CLHC1: variants seen among roughly 807,000 people sequenced by gnomAD.
CLHC1 encodes the protein clathrin heavy chain linker domain containing 1.
CLHC1 carries 72 observed loss-of-function variants against 69.5 expected under a neutral mutation model. The ratio of observed to expected loss-of-function variants is 1.04; its 90% CI spans 0.86 to 1.26. The LOEUF is 1.26. Among genes scored for constraint, CLHC1 ranks in the 50% most tolerant of loss-of-function variants. The pLI, the probability that CLHC1 is intolerant of heterozygous loss-of-function variation, is 0.00. For missense variants in CLHC1, 790 were observed against 679.3 expected (o/e 1.16, Z -1.81); for synonymous variants, 223 against 224.3 (o/e 0.99, Z 0.05).
At chr2:55,193,124 C>T (rs972271193) in intron 9 of CLHC1, among the ~76,000 whole-genome samples, 9 of 151,986 alleles carry the variant, frequency 5.9e-5, no homozygotes, top group Non-Finnish European at 7.4e-5. Context: ...GAACTCCTGA[C>T]CTTGTGATCC....
chr2:55,215,110 G>A (rs1370659647), intron 4 of CLHC1: 1 of 152,122 alleles, frequency 6.6e-6, no homozygotes, highest in Non-Finnish European at 1.5e-5. Context: ...TATTTTCATA[G>A]AGAATTTTAA....
chr2:55,202,272 C>T (rs530748711), intron 9 of CLHC1, among the ~76,000 whole-genome samples: 12 of 149,464 alleles, frequency 8.0e-5, no homozygotes, highest in African/African-American at 2.9e-4. Context: ...AAAAAAAAAC[C>T]TAGCTGGGTG....
intron 9 of CLHC1, among the ~76,000 whole-genome samples, chr2:55,190,428 T>A (rs1415748209): frequency 1.3e-5 from 2 of 151,986 alleles, no homozygotes; most frequent in African/African-American, 4.8e-5. Context: ...GAGAAAAAAA[T>A]GTAATAAATC....
At chr2:55,208,529 T>G in intron 8 of CLHC1, 97 bp downstream of exon 8, 1 of 742,782 alleles carries the variant, frequency 1.3e-6, no homozygotes, top group East Asian at 2.7e-5. Context: ...TCTTATCTCC[T>G]CTGAAAAATC....
At chr2:55,208,491 T>G in intron 8 of CLHC1, 135 bp downstream of exon 8, 1 of 590,422 alleles carries the variant, frequency 1.7e-6, no homozygotes, top group Non-Finnish European at 2.9e-6. Context: ...TTAACCTGTA[T>G]AAATAAAACA....
chr2:55,231,518 AG>A, intron 1 of CLHC1, among the ~76,000 whole-genome samples: 1 of 152,218 alleles, frequency 6.6e-6, no homozygotes, highest in Non-Finnish European at 1.5e-5. Flanking sequence ...AAGGTGGGTT[AG>A]AAAGGAGGAA....
chr2:55,210,217 G>T (rs1003088383), intron 5 of CLHC1, among the ~76,000 whole-genome samples: 1 of 150,826 alleles, frequency 6.6e-6, no homozygotes, highest in African/African-American at 2.4e-5. Context: ...TTTTTTTTGA[G>T]ATGGAGTCGC....
chr2:55,178,102 ATCAG>A (rs1669578687), intron 11 of CLHC1, among the ~76,000 whole-genome samples: 1 of 152,210 alleles, frequency 6.6e-6, no homozygotes, highest in African/African-American at 2.4e-5. Context: ...TCATAGCTCC[ATCAG>A]TCACTTACTC....
intron 9 of CLHC1, among the ~76,000 whole-genome samples, chr2:55,193,098 G>A (rs1671085596): frequency 6.6e-6 from 1 of 151,750 alleles, no homozygotes; most frequent in Non-Finnish European, 1.5e-5. Context: ...TTCACCACTT[G>A]GGCCAGGCTA....
chr2:55,180,694 C>T lies in CLHC1; in HGVS notation c.1200G>A (p.Glu400=). The T allele has an allele frequency of 1.9e-6, 3 of 1,614,018 alleles. No individual in the cohort carries two copies. The Admixed American group carries it at 5.0e-5, about 27-fold the overall frequency. ...VTQERLTFSE[E]AGDVICDYGE... Reference sequence around the variant, plus strand: ...CATAATCACAAATCACATCCCCAGCCTCCTCAGAAAATGTCAGTCTAGAAC... The same window carrying T: ...CATAATCACAAATCACATCCCCAGCTTCCTCAGAAAATGTCAGTCTAGAAC... Residue 400 remains glutamate, a synonymous_variant, in exon 11 of 13, where the codon GAG becomes GAA. Transcript: ENST00000401408.
At chr2:55,176,388 G>C (rs992131352) in intron 12 of CLHC1, among the ~76,000 whole-genome samples, 1 of 152,124 alleles carries the variant, frequency 6.6e-6, no homozygotes, top group Non-Finnish European at 1.5e-5. Flanking sequence ...TAAACCTATA[G>C]GTCAAGTTTT....
At chr2:55,206,847 C>T (rs1672494537) in intron 8 of CLHC1, 2 of 158,284 alleles carry the variant, frequency 1.3e-5, no homozygotes, top group Non-Finnish European at 2.7e-5. Flanking sequence ...TGGTTCATGC[C>T]TGTAATCCCA....
chr2:55,218,173 A>T, intron 3 of CLHC1, 175 bp from the exon 4 acceptor site: 1 of 428,162 alleles, frequency 2.3e-6, no homozygotes, highest in East Asian at 3.6e-5. Context: ...ATATTTACTA[A>T]ACATGTGCTC....
intron 9 of CLHC1, among the ~76,000 whole-genome samples, chr2:55,184,391 C>T (rs1444941746): frequency 1.3e-5 from 2 of 152,102 alleles, no homozygotes; most frequent in Non-Finnish European, 2.9e-5. Flanking sequence ...AGGCATGAGC[C>T]ACCACACCTG....
intron 9 of CLHC1, 54 bp downstream of exon 9, chr2:55,206,216 G>C (rs967980971): frequency 1.9e-6 from 2 of 1,034,508 alleles, no homozygotes; most frequent in Non-Finnish European, 3.0e-6. Context: ...TATTTTATGA[G>C]AGAAAAAGTA....
chr2:55,198,072 C>A (rs949154617), intron 9 of CLHC1, among the ~76,000 whole-genome samples: 1 of 152,060 alleles, frequency 6.6e-6, no homozygotes, highest in Non-Finnish European at 1.5e-5. Flanking sequence ...CTGAAGAATG[C>A]ATCAAAGTCT....
At chr2:55,211,859 T>A in intron 5 of CLHC1, among the ~76,000 whole-genome samples, 1 of 152,238 alleles carries the variant, frequency 6.6e-6, no homozygotes, top group East Asian at 1.9e-4. Flanking sequence ...AACAGTATTA[T>A]GCTGAAGATG....
chr2:55,191,383 A>G (rs1175054200), intron 9 of CLHC1, among the ~76,000 whole-genome samples: 1 of 152,078 alleles, frequency 6.6e-6, no homozygotes, highest in Non-Finnish European at 1.5e-5. Flanking sequence ...TTACAGGTGC[A>G]GGCCACCATG....
At chr2:55,200,502 CT>C (rs1233259636) in intron 9 of CLHC1, among the ~76,000 whole-genome samples, 1 of 152,060 alleles carries the variant, frequency 6.6e-6, no homozygotes, top group Non-Finnish European at 1.5e-5. Flanking sequence ...ATATATGCCC[CT>C]AACACTGGAG....
Sources: gnomAD v4.1 joint callset for allele counts (sites outside exome capture counted in the v4.1 genomes callset) on GRCh38, gnomAD v4.1.1 for gene constraint, MANE v1.5 for transcripts, NCBI Gene and HGNC (gene_info 2026-07-23, HGNC 2026-07-21) for gene names.